The following ELP3 variants were observed in gnomAD, a reference collection of about 807,000 sequenced individuals.
ELP3 encodes the protein elongator complex protein 3.
Under a neutral mutation model 74.9 loss-of-function variants are expected in ELP3, and 56 were observed. That is an observed-to-expected ratio of 0.75 (90% CI 0.60 to 0.93). The LOEUF is 0.93. Ranked by LOEUF, ELP3 falls within the 40% of genes least tolerant of loss-of-function variation. The pLI is 0.00. For missense variants in ELP3, 573 were observed against 686.5 expected (o/e 0.83, Z 1.85); for synonymous variants, 222 against 239.8 (o/e 0.93, Z 0.68).
At chr8:28,116,551 C>A (rs1426286016) in intron 7 of ELP3, among the ~76,000 whole-genome samples, 1 of 152,236 alleles carries the variant, frequency 6.6e-6, no homozygotes, top group Non-Finnish European at 1.5e-5. Context: ...ACCAGCCTGA[C>A]CAACATGGTG....
At chr8:28,094,861 A>T (rs1811194055) in intron 1 of ELP3, among the ~76,000 whole-genome samples, 1 of 152,246 alleles carries the variant, frequency 6.6e-6, no homozygotes, top group South Asian at 2.1e-4. Context: ...GTTGCCTTTC[A>T]AGAGCCATTT....
intron 14 of ELP3, among the ~76,000 whole-genome samples, chr8:28,177,615 A>G (rs1194073596): frequency 6.6e-6 from 1 of 152,250 alleles, no homozygotes; most frequent in Non-Finnish European, 1.5e-5. Flanking sequence ...TTTAAAGGAT[A>G]GATTTACAAG....
intron 7 of ELP3, among the ~76,000 whole-genome samples, chr8:28,128,861 T>A (rs905632217): frequency 3.9e-5 from 6 of 152,198 alleles, no homozygotes; most frequent in Non-Finnish European, 7.4e-5. Flanking sequence ...GGCCACTAAC[T>A]GAGACAGCAT....
At chr8:28,141,394 C>G (rs1403493175) in intron 10 of ELP3, among the ~76,000 whole-genome samples, 2 of 152,172 alleles carry the variant, frequency 1.3e-5, no homozygotes, top group African/African-American at 4.8e-5. Flanking sequence ...TCAAAAGTAT[C>G]AGGATGAAGA....
chr8:28,107,811 C>G, intron 4 of ELP3, 102 bp from the exon 5 acceptor site: 1 of 824,610 alleles, frequency 1.2e-6, no homozygotes, highest in Admixed American at 2.3e-5. Context: ...GAAAAGGAAG[C>G]TCATTTGTTA....
intron 14 of ELP3, among the ~76,000 whole-genome samples, chr8:28,162,285 C>A (rs940706195): frequency 6.6e-6 from 1 of 152,176 alleles, no homozygotes; most frequent in Non-Finnish European, 1.5e-5. Context: ...AGAGTCAGGA[C>A]CTGTGACCCA....
rs1257465328 is a variant in ELP3, at chr8:28,190,802, A to C, written c.*1077A>C. On this transcript the variant is annotated 3_prime_UTR_variant, in exon 15 of 15. Transcript: ENST00000256398. ...TCGAACTCCTGACCTCAGGTGATCA[A>C]CCCACCTTGGCCTCCCTAAATGCCG... The C allele has an allele frequency of 6.6e-6, 1 of 152,060 alleles. No homozygotes were observed. Among genetic ancestry groups the C allele is most frequent in the African/African-American group, 2.4e-5 (1 of 41,398 alleles). 9.4% of individuals were successfully genotyped at this position (152,060 alleles called of 1,614,324 possible).
intron 7 of ELP3, among the ~76,000 whole-genome samples, chr8:28,118,456 C>T (rs1022221678): frequency 1.2e-4 from 18 of 152,140 alleles, no homozygotes; most frequent in African/African-American, 3.9e-4. Context: ...GTTGAGTGAA[C>T]AGAGAGTTCA....
At position 28,129,602 on chromosome 8, in the gene ELP3, T is replaced by C. The variant is rs1812712858; in HGVS notation, c.718T>C (p.Cys240Arg). ...TTTAAGTGACATGTTGACCTATGGCTGCACAAGGCTGGAGATTGGGGTGCA... is the reference window on the plus strand; with the variant it reads ...TTTAAGTGACATGTTGACCTATGGCCGCACAAGGCTGGAGATTGGGGTGCA... ...RHLSDMLTYG[C>R]TRLEIGVQSV... The change falls in exon 8 of 15, where the codon TGC becomes CGC. Residue 240 changes from cysteine to arginine, a missense_variant. Cys to Arg is a radical substitution (Grantham distance 180, BLOSUM62 -3). Coordinates refer to ENST00000256398, the MANE Select transcript of ELP3 (RefSeq NM_018091.6). 1 of 1,614,066 alleles carries C rather than the reference T, an allele frequency of 6.2e-7. No homozygotes were observed. Among genetic ancestry groups the C allele is most frequent in the Admixed American group, 1.7e-5 (1 of 60,002 alleles).
rs543151851 is a variant in ELP3, at chr8:28,106,676, T to A, written c.259-37T>A. ...ACTCTGTGGAGTTTTATATTAATTA[T>A]CCTATAATAGCTTTTTTATTCATCT... On this transcript the variant is annotated intron_variant, in intron 3 of 14. Transcript: ENST00000256398. 5.1e-5 allele frequency: 80 copies of A among 1,569,058 alleles called. 1 individual carries two copies. The East Asian group carries it at 1.8e-3, about 35-fold the overall frequency.
intron 5 of ELP3, 120 bp downstream of exon 5, chr8:28,108,096 T>A: frequency 1.3e-6 from 1 of 786,618 alleles, no homozygotes; most frequent in Non-Finnish European, 2.0e-6. Context: ...TTTCTGATTT[T>A]AAAAGCTGTT....
intron 14 of ELP3, among the ~76,000 whole-genome samples, chr8:28,186,881 A>T (rs998177410): frequency 1.1e-4 from 17 of 152,330 alleles, no homozygotes; most frequent in African/African-American, 4.1e-4. Context: ...AAGTTTCAAC[A>T]TGAGTTTCAG....
chr8:28,112,481 T>C (rs1811959107), intron 6 of ELP3: 1 of 152,202 alleles, frequency 6.6e-6, no homozygotes, highest in South Asian at 2.1e-4. Flanking sequence ...GAAAGCAGAC[T>C]TGAAGTGCCT....
At chr8:28,150,619 C>T (rs917889915) in intron 10 of ELP3, among the ~76,000 whole-genome samples, 1 of 151,962 alleles carries the variant, frequency 6.6e-6, no homozygotes, top group Non-Finnish European at 1.5e-5. Flanking sequence ...GTGTTTCCCC[C>T]CCTCCCCAGC....
intron 7 of ELP3, among the ~76,000 whole-genome samples, chr8:28,115,784 T>C (rs1812106450): frequency 2.0e-5 from 3 of 152,206 alleles, no homozygotes; most frequent in South Asian, 4.1e-4. Context: ...TGTCTGTATG[T>C]ATGTGCACAT....
intron 10 of ELP3, 45 bp from the exon 11 acceptor site, chr8:28,155,897 A>C (rs1300821073): frequency 8.7e-6 from 13 of 1,493,570 alleles, no homozygotes; most frequent in Middle Eastern, 1.7e-4. Flanking sequence ...GCTGTGGAGA[A>C]TGATTTCTAT....
intron 14 of ELP3, among the ~76,000 whole-genome samples, chr8:28,170,845 C>G (rs887821147): frequency 4.6e-5 from 7 of 152,202 alleles, no homozygotes; most frequent in African/African-American, 1.7e-4. Context: ...TTTTTAACAC[C>G]CTAAACAAAC....
chr8:28,181,965 TTG>T (rs1491403553), intron 14 of ELP3, among the ~76,000 whole-genome samples: 1 of 115,270 alleles, frequency 8.7e-6, no homozygotes, highest in Non-Finnish European at 2.1e-5. Context: ...TTTTCTTTGT[TTG>T]TTTGTTTGTT....
At chr8:28,167,445 C>T (rs915313132) in intron 14 of ELP3, among the ~76,000 whole-genome samples, 3 of 152,172 alleles carry the variant, frequency 2.0e-5, no homozygotes, top group Non-Finnish European at 4.4e-5. Flanking sequence ...CAGGCTACTA[C>T]ACATCTCCCT....
Sources: gnomAD v4.1 joint callset for allele counts (sites outside exome capture counted in the v4.1 genomes callset) on GRCh38, gnomAD v4.1.1 for gene constraint, MANE v1.5 for transcripts, NCBI Gene and HGNC (gene_info 2026-07-23, HGNC 2026-07-21) for gene names.